The following ERGIC1 variants were observed in gnomAD, a reference collection of about 807,000 sequenced individuals.
ERGIC1 encodes endoplasmic reticulum-Golgi intermediate compartment protein 1.
Under a neutral mutation model 38.3 loss-of-function variants are expected in ERGIC1, and 19 were observed. The ratio of observed to expected loss-of-function variants is 0.50; its 90% CI spans 0.35 to 0.73. The LOEUF is 0.73. ERGIC1 is among the 30% of genes least tolerant of loss of function. The pLI is 0.01. For synonymous variants in ERGIC1, 124 were observed against 157.6 expected (o/e 0.79, Z 1.60); for missense variants, 294 against 389.2 (o/e 0.76, Z 2.06).
At chr5:172,856,602 G>A (rs1761555167) in intron 1 of ERGIC1, among the ~76,000 whole-genome samples, 1 of 152,186 alleles carries the variant, frequency 6.6e-6, no homozygotes, top group African/African-American at 2.4e-5. Flanking sequence ...AGCCCTAGCA[G>A]GTTCTTGAGC....
At chr5:172,933,822 G>T (rs1163515011) in intron 8 of ERGIC1, 1 of 152,014 alleles carries the variant, frequency 6.6e-6, no homozygotes, top group Admixed American at 6.6e-5. Flanking sequence ...TAGCCACTGT[G>T]TGCCTCAGTT....
chr5:172,938,739 C>A (rs909584315), intron 9 of ERGIC1, among the ~76,000 whole-genome samples: 3 of 136,520 alleles, frequency 2.2e-5, no homozygotes, highest in African/African-American at 8.3e-5. Flanking sequence ...GGTACCAGAG[C>A]GAGACTCTAT....
Position 172,933,093 on chromosome 5 carries a change from A to C in ERGIC1, c.642+557A>C, listed in dbSNP as rs140182721. On this transcript the variant is annotated intron_variant, in intron 8 of 9. Transcript: ENST00000393784. The stretch of plus-strand genomic sequence containing the variant: ...TGCAGAGTGGGATGACCCAGCAATT[A>C]GTGGTCTCAAGACAAGACAGCCTTG... 7.7e-3 allele frequency: 1,184 copies of C among 152,980 alleles called. 2 individuals are homozygous for C. Among genetic ancestry groups the C allele is most frequent in the Non-Finnish European group, 0.012 (853 of 68,436 alleles). The allele number at this position is 152,980 out of a possible 1,614,324, so 9.5% of individuals were successfully genotyped here.
intron 1 of ERGIC1, among the ~76,000 whole-genome samples, chr5:172,868,807 A>T (rs1412048299): frequency 1.3e-5 from 2 of 152,188 alleles, no homozygotes; most frequent in African/African-American, 2.4e-5. Context: ...GACAGGCAGG[A>T]TATGGGAAAT....
chr5:172,909,560 G>C (rs561838939), intron 3 of ERGIC1, 107 bp from the exon 4 acceptor site: 1 of 1,005,038 alleles, frequency 9.9e-7, no homozygotes, highest in South Asian at 1.3e-5. Flanking sequence ...GTGGAGTCTG[G>C]GTTATCTAAG....
At chr5:172,916,254 T>G (rs1314973748) in intron 5 of ERGIC1, 3 of 152,264 alleles carry the variant, frequency 2.0e-5, no homozygotes, top group African/African-American at 7.2e-5. Flanking sequence ...TGCTGCATGT[T>G]GTGGGTTAAA....
chr5:172,897,075 G>A lies in ERGIC1; in HGVS notation c.155+1G>A, dbSNP rs201402795. On this transcript the variant is annotated splice_donor_variant, in intron 3 of 9. Transcript: ENST00000393784. LOFTEE classifies it high-confidence loss of function. ...TCACCGGATTTATAACGACAGAAGTGTAAGTCATACTTTCCCGATGGGGCA... is the reference window on the plus strand; with the variant it reads ...TCACCGGATTTATAACGACAGAAGTATAAGTCATACTTTCCCGATGGGGCA... 6 of 1,613,818 alleles carry A rather than the reference G, an allele frequency of 3.7e-6. No individual in the cohort carries two copies. Among genetic ancestry groups the A allele is most frequent in the African/African-American group, 1.3e-5 (1 of 75,044 alleles).
At chr5:172,842,003 C>G (rs1379966685) in intron 1 of ERGIC1, among the ~76,000 whole-genome samples, 1 of 152,156 alleles carries the variant, frequency 6.6e-6, no homozygotes, top group South Asian at 2.1e-4. Flanking sequence ...TATAGTCATA[C>G]TATTAATTTG....
At chr5:172,851,150 G>A (rs1761393910) in intron 1 of ERGIC1, among the ~76,000 whole-genome samples, 1 of 147,506 alleles carries the variant, frequency 6.8e-6, no homozygotes, top group African/African-American at 2.5e-5. Flanking sequence ...GCAGTGAGCC[G>A]AGATTGCACA....
chr5:172,910,595 G>A (rs546421617), intron 4 of ERGIC1, among the ~76,000 whole-genome samples: 1 of 149,462 alleles, frequency 6.7e-6, no homozygotes, highest in South Asian at 2.1e-4. Flanking sequence ...CACGATCTTG[G>A]CTCACTGCAA....
At chr5:172,841,507 A>G (rs1761160714) in intron 1 of ERGIC1, among the ~76,000 whole-genome samples, 4 of 152,252 alleles carry the variant, frequency 2.6e-5, no homozygotes, top group African/African-American at 9.6e-5. Flanking sequence ...TCCGCTTGAA[A>G]TGGACAAACC....
chr5:172,897,155 T>C, intron 3 of ERGIC1, 81 bp downstream of exon 3: 1 of 1,381,482 alleles, frequency 7.2e-7, no homozygotes, highest in South Asian at 1.2e-5. Context: ...TTGGCCAGGT[T>C]TGGTGGCTAA....
At chr5:172,847,724 A>G (rs1047656981) in intron 1 of ERGIC1, among the ~76,000 whole-genome samples, 24 of 152,186 alleles carry the variant, frequency 1.6e-4, no homozygotes, top group African/African-American at 5.5e-4. Context: ...CGTGTTGACC[A>G]GGATGGTCTC....
At chr5:172,870,032 C>T (rs1467701928) in intron 1 of ERGIC1, among the ~76,000 whole-genome samples, 2 of 152,126 alleles carry the variant, frequency 1.3e-5, no homozygotes, top group Non-Finnish European at 2.9e-5. Context: ...CTTGAAGCTC[C>T]CTTCTGGCTC....
At chr5:172,911,114 TC>T (rs1163580079) in intron 4 of ERGIC1, among the ~76,000 whole-genome samples, 1 of 151,860 alleles carries the variant, frequency 6.6e-6, no homozygotes, top group Admixed American at 6.6e-5. Flanking sequence ...GGCCCTTCTC[TC>T]CCCACCCCCT....
intron 4 of ERGIC1, among the ~76,000 whole-genome samples, chr5:172,913,928 C>T (rs899945959): frequency 6.6e-6 from 1 of 151,998 alleles, no homozygotes; most frequent in Non-Finnish European, 1.5e-5. Context: ...GCCTATTCAC[C>T]CCATAAACCC....
intron 8 of ERGIC1, 187 bp downstream of exon 8, chr5:172,932,723 AG>A (rs1763806533): frequency 1.6e-6 from 1 of 607,238 alleles, no homozygotes. Context: ...GCCATGTGGC[AG>A]TCTCAGAGTC....
Position 172,935,341 on chromosome 5 carries a change from T to C in ERGIC1, c.765+31T>C, listed in dbSNP as rs764732185. 5 of 1,613,306 alleles carry C rather than the reference T, an allele frequency of 3.1e-6. No individual in the cohort carries two copies. In the East Asian group the frequency reaches 1.1e-4, roughly 36 times the overall value. ...TGGCCTGGGGCAGTGGGTGGGGCCC[T>C]GAGCCAGCCACCCTGCGCCTGCTCT... is the stretch of plus-strand genomic sequence containing the variant. On this transcript the variant is annotated intron_variant, in intron 9 of 9. Coordinates refer to ENST00000393784, the MANE Select transcript of ERGIC1 (RefSeq NM_001031711.3).
At chr5:172,927,031 C>T (rs10040876) in intron 7 of ERGIC1, 30,490 of 176,634 alleles carry the variant, frequency 0.17, 2,929 homozygotes, top group South Asian at 0.2. Flanking sequence ...CTCCTCCCAT[C>T]GATAGTGGCT....
Sources: allele counts gnomAD v4.1 joint callset (sites outside exome capture counted in the v4.1 genomes callset), GRCh38; gene constraint gnomAD v4.1.1; transcripts MANE v1.5; gene names NCBI Gene and HGNC (gene_info 2026-07-23, HGNC 2026-07-21).